VOPP1: variants seen among roughly 807,000 people sequenced by gnomAD.
The protein encoded by VOPP1 is WW domain binding protein VOPP1.
Under a neutral mutation model 23.5 loss-of-function variants are expected in VOPP1, and 8 were observed. The ratio of observed to expected loss-of-function variants is 0.34; its 90% CI spans 0.20 to 0.61. The LOEUF is 0.61. Among genes scored for constraint, VOPP1 ranks in the 20% least tolerant of loss-of-function variants. The probability of loss-of-function intolerance (pLI) is 0.78; values close to 1 mark genes in which losing one functional copy is unlikely to be tolerated. For missense variants in VOPP1, 174 were observed against 238.1 expected, an observed-to-expected ratio of 0.73 and a Z score of 1.77; for synonymous variants, 83 against 97.3, an observed-to-expected ratio of 0.85 and a Z score of 0.86.
intron 1 of VOPP1, among the ~76,000 whole-genome samples, chr7:55,559,251 T>C (rs1342273637): frequency 6.6e-6 from 1 of 152,140 alleles, no homozygotes; most frequent in Non-Finnish European, 1.5e-5. Flanking sequence ...TAAATCCACT[T>C]CCACTCTTGG....
intron 3 of VOPP1, 35 bp downstream of exon 3, chr7:55,497,578 C>T (rs1336981953): frequency 4.6e-6 from 6 of 1,298,810 alleles, no homozygotes; most frequent in Admixed American, 3.6e-5. Context: ...GGGCAGAGCT[C>T]TCGGGGTAGG....
rs535072462 is a variant in VOPP1, at chr7:55,529,981, T to G, written c.55-8851A>C. The stretch of plus-strand genomic sequence containing the variant: ...AGCCTATGGACATCTGGGTTGATAC[T>G]GCATTTTGGCTGTTATCAATAATGC... On this transcript the variant is annotated intron_variant, in intron 1 of 4. Transcript: ENST00000285279. Among the ~76,000 whole-genome samples the G allele has an allele frequency of 2.0e-5, 3 of 152,354 alleles. No individual in the cohort carries two copies. In the South Asian group the frequency reaches 6.2e-4, roughly 32 times the overall value.
At chr7:55,567,563 G>A (rs1228275371) in intron 1 of VOPP1, among the ~76,000 whole-genome samples, 4 of 152,242 alleles carry the variant, frequency 2.6e-5, no homozygotes, top group South Asian at 4.1e-4. Context: ...TTTACCCTCC[G>A]TTAGCCTTTA....
chr7:55,449,165 G>A (rs1198001548), intron 4 of VOPP1, among the ~76,000 whole-genome samples: 2 of 152,234 alleles, frequency 1.3e-5, no homozygotes, highest in Admixed American at 1.3e-4. Context: ...ACCTTGAAGT[G>A]CTTGGCAGGT....
chr7:55,533,078 C>T (rs1796586360), intron 1 of VOPP1, among the ~76,000 whole-genome samples: 1 of 152,126 alleles, frequency 6.6e-6, no homozygotes, highest in Non-Finnish European at 1.5e-5. Context: ...AAGCTAAAAC[C>T]AGGAGGACTG....
rs553676385 is a variant in VOPP1 at position 55,453,468 on chromosome 7, A to G, written n.418-17294T>C. 3.9e-5 allele frequency among the ~76,000 whole-genome samples: 6 copies of G among 152,300 alleles called. No individual in the cohort carries two copies. The East Asian group carries it at 5.8e-4, about 15-fold the overall frequency. On this transcript the variant is annotated intron_variant and non_coding_transcript_variant, in intron 4 of 4. Transcript: ENST00000462326. ...ATACAACTCTTCCTTTCACTTGAAC[A>G]CTTATAGGCCATTGTAGGGTTACTA...
downstream of VOPP1, among the ~76,000 whole-genome samples, chr7:55,467,772 T>C (rs1791669202): frequency 6.6e-6 from 1 of 152,216 alleles, no homozygotes; most frequent in South Asian, 2.1e-4. Flanking sequence ...TCAGGTGAGC[T>C]GCTCAGCCTC....
At chr7:55,534,515 C>T (rs1796670220) in intron 1 of VOPP1, among the ~76,000 whole-genome samples, 1 of 152,194 alleles carries the variant, frequency 6.6e-6, no homozygotes, top group South Asian at 2.1e-4. Context: ...TCAGTACTTT[C>T]CCCCAACTGG....
intron 1 of VOPP1, among the ~76,000 whole-genome samples, chr7:55,557,145 T>G (rs765932679): frequency 1.3e-5 from 2 of 152,226 alleles, no homozygotes; most frequent in Non-Finnish European, 2.9e-5. Flanking sequence ...TTAAATCATA[T>G]TCTGACCCCT....
chr7:55,559,579 G>A (rs1797916664), intron 1 of VOPP1, among the ~76,000 whole-genome samples: 1 of 152,178 alleles, frequency 6.6e-6, no homozygotes, highest in African/African-American at 2.4e-5. Context: ...CTCTCATTAT[G>A]AGAGAAAGCC....
intron 4 of VOPP1, among the ~76,000 whole-genome samples, chr7:55,452,843 G>T (rs777947132): frequency 6.6e-6 from 1 of 152,206 alleles, no homozygotes; most frequent in Non-Finnish European, 1.5e-5. Flanking sequence ...AGGCAGAGTA[G>T]ATTTTGCATA....
chr7:55,528,977 T>C (rs1295324607), intron 1 of VOPP1, among the ~76,000 whole-genome samples: 1 of 152,232 alleles, frequency 6.6e-6, no homozygotes, highest in Admixed American at 6.5e-5. Flanking sequence ...TAAGCCTAAA[T>C]TCACAGTGTT....
At chr7:55,450,264 A>C (rs772575477) in intron 4 of VOPP1, among the ~76,000 whole-genome samples, 2 of 152,110 alleles carry the variant, frequency 1.3e-5, no homozygotes, top group African/African-American at 2.4e-5. Context: ...AGGTCCCACC[A>C]GTCCTCCGCC....
intron 2 of VOPP1, among the ~76,000 whole-genome samples, chr7:55,504,465 C>T (rs767970019): frequency 2.6e-5 from 4 of 152,236 alleles, no homozygotes; most frequent in Non-Finnish European, 5.9e-5. Flanking sequence ...GAGGAAGACT[C>T]GGTCCTTAGC....
intron 4 of VOPP1, among the ~76,000 whole-genome samples, chr7:55,458,518 T>C (rs1463528926): frequency 2.6e-5 from 4 of 152,190 alleles, no homozygotes; most frequent in Non-Finnish European, 4.4e-5. Context: ...GTAAACATTT[T>C]AATGATATTA....
Position 55,515,610 on chromosome 7 carries a change from G to A in VOPP1, c.113+5462C>T, listed in dbSNP as rs143664608. 2.0e-3 allele frequency among the ~76,000 whole-genome samples: 303 copies of A among 152,290 alleles called. 1 individual carries two copies. The highest frequency in any genetic ancestry group is 6.9e-3 in the African/African-American group (287 of 41,550). ...AGCAACCCAGTGCAGCAGGCACCACGACCACACCTTTTTTAAGAAAACTGA... is the reference window on the plus strand; with the variant it reads ...AGCAACCCAGTGCAGCAGGCACCACAACCACACCTTTTTTAAGAAAACTGA... On this transcript the variant is annotated intron_variant, in intron 2 of 4. Transcript: ENST00000285279.
At chr7:55,461,566 T>C (rs564605273) in intron 4 of VOPP1, among the ~76,000 whole-genome samples, 1 of 152,214 alleles carries the variant, frequency 6.6e-6, no homozygotes, top group African/African-American at 2.4e-5. Context: ...TACAGGCATG[T>C]GCCACCATGC....
chr7:55,503,808 G>A lies in VOPP1; in HGVS notation c.114-6118C>T, dbSNP rs60391345. 3.6e-3 allele frequency among the ~76,000 whole-genome samples: 550 copies of A among 152,320 alleles called. 10 individuals are homozygous for A. Among genetic ancestry groups the A allele is most frequent in the East Asian group, 0.011 (59 of 5,184 alleles). On this transcript the variant is annotated intron_variant, in intron 2 of 4. Coordinates refer to ENST00000285279, the MANE Select transcript of VOPP1 (RefSeq NM_030796.5). ...GACAGAGCCCTCAACAGACACCAGA[G>A]CTGACGGAACCTTGGTCTTGGACTT...
intron 1 of VOPP1, among the ~76,000 whole-genome samples, chr7:55,525,529 T>G (rs1164704570): frequency 6.6e-6 from 1 of 151,776 alleles, no homozygotes; most frequent in African/African-American, 2.4e-5. Context: ...TTCCCTGCTT[T>G]ATGAAGAAAA....
Sources: allele counts gnomAD v4.1 joint callset (sites outside exome capture counted in the v4.1 genomes callset), GRCh38; gene constraint gnomAD v4.1.1; transcripts MANE v1.5; gene names NCBI Gene and HGNC (gene_info 2026-07-23, HGNC 2026-07-21).